MAGI2: variants seen among roughly 807,000 people sequenced by gnomAD.
The protein encoded by MAGI2 is membrane associated guanylate kinase, WW and PDZ domain containing 2, also known as membrane-associated guanylate kinase, WW and PDZ domain-containing protein 2.
Under a neutral mutation model 133.3 loss-of-function variants are expected in MAGI2, and 35 were observed. The observed-to-expected ratio is 0.26, with a 90% confidence interval of 0.20 to 0.35. The LOEUF is 0.35. Among genes scored for constraint, MAGI2 ranks in the 10% least tolerant of loss-of-function variants. The pLI is 1.00. For synonymous variants in MAGI2, 729 were observed against 710.6 expected, an observed-to-expected ratio of 1.03 and a Z score of -0.41; for missense variants, 1,636 against 1,863.4, an observed-to-expected ratio of 0.88 and a Z score of 2.25.
chr7:78,579,358 C>T (rs1281287096), intron 3 of MAGI2, among the ~76,000 whole-genome samples: 4 of 152,096 alleles, frequency 2.6e-5, no homozygotes, highest in Non-Finnish European at 5.9e-5. Flanking sequence ...GATATACCTC[C>T]CCAAAATATG....
rs953932981 is a variant in MAGI2, at chr7:78,667,611, A to G, written c.419-40372T>C. ...TGTGTCCATGTGTTCTCATTGTTCA[A>G]TTCCCACCTATGAGTGAGAACATGC... is the stretch of plus-strand genomic sequence containing the variant. On this transcript the variant is annotated intron_variant, in intron 2 of 21. Transcript: ENST00000354212. Among the ~76,000 whole-genome samples the G allele has an allele frequency of 7.4e-5, 11 of 149,032 alleles. 1 individual carries two copies. Among genetic ancestry groups the G allele is most frequent in the Non-Finnish European group, 1.5e-4 (10 of 67,602 alleles).
chr7:78,414,346 T>C (rs558190842), intron 6 of MAGI2, among the ~76,000 whole-genome samples: 58 of 152,092 alleles, frequency 3.8e-4, no homozygotes, highest in African/African-American at 1.4e-3. Flanking sequence ...ATATCCAGAA[T>C]TGACTAATTT....
intron 1 of MAGI2, among the ~76,000 whole-genome samples, chr7:79,240,702 A>G (rs1832328626): frequency 6.6e-6 from 1 of 152,198 alleles, no homozygotes; most frequent in Admixed American, 6.5e-5. Flanking sequence ...TGTATTGAGC[A>G]GCTTTGCATA....
At chr7:78,074,885 G>C (rs1815108194) in intron 21 of MAGI2, among the ~76,000 whole-genome samples, 1 of 152,136 alleles carries the variant, frequency 6.6e-6, no homozygotes, top group African/African-American at 2.4e-5. Context: ...CTTGCTTCTG[G>C]CGCAGAAAAG....
chr7:79,314,683 G>A (rs1321402757), intron 1 of MAGI2, among the ~76,000 whole-genome samples: 2 of 152,242 alleles, frequency 1.3e-5, no homozygotes, highest in East Asian at 3.9e-4. Context: ...ATAGTTCTAA[G>A]TCAACCAACA....
intron 3 of MAGI2, among the ~76,000 whole-genome samples, chr7:78,540,768 G>A (rs1415633912): frequency 6.6e-6 from 1 of 152,140 alleles, no homozygotes; most frequent in Non-Finnish European, 1.5e-5. Flanking sequence ...GGCCGGGAGT[G>A]CCTACAGGAC....
At chr7:78,292,801 T>G (rs2151046183) in intron 9 of MAGI2, among the ~76,000 whole-genome samples, 1 of 152,338 alleles carries the variant, frequency 6.6e-6, no homozygotes, top group South Asian at 2.1e-4. Flanking sequence ...CCATCTGATC[T>G]TTGACAAACC....
chr7:79,180,751 G>C (rs969154605), intron 1 of MAGI2, among the ~76,000 whole-genome samples: 1 of 151,964 alleles, frequency 6.6e-6, no homozygotes, highest in Non-Finnish European at 1.5e-5. Context: ...AGTCTTATCT[G>C]AGAAAAGGCA....
intron 2 of MAGI2, among the ~76,000 whole-genome samples, chr7:78,935,270 T>C (rs1212605926): frequency 6.6e-6 from 1 of 152,200 alleles, no homozygotes; most frequent in Admixed American, 6.5e-5. Context: ...GAAGTTTTTC[T>C]AATGTACAAA....
At chr7:78,443,107 C>CTCTT (rs55808195) in intron 6 of MAGI2, among the ~76,000 whole-genome samples, 143,993 of 151,990 alleles carry the variant, frequency 0.95, 68,369 homozygotes, top group East Asian at 0.99. Flanking sequence ...TTGACAAATA[C>CTCTT]TCTATCTAGA....
At chr7:78,217,680 A>C (rs1245334706) in intron 10 of MAGI2, among the ~76,000 whole-genome samples, 2 of 152,214 alleles carry the variant, frequency 1.3e-5, no homozygotes, top group East Asian at 3.8e-4. Flanking sequence ...CTCCAGGTCT[A>C]GAGTTCTTTT....
At chr7:78,503,734 C>A (rs1794851115) in intron 4 of MAGI2, among the ~76,000 whole-genome samples, 1 of 149,034 alleles carries the variant, frequency 6.7e-6, no homozygotes, top group Non-Finnish European at 1.5e-5. Context: ...CCACCCTCCT[C>A]ATCATCTCAG....
intron 2 of MAGI2, among the ~76,000 whole-genome samples, chr7:78,966,026 AGTTTCCCCAGAT>A (rs1335509337): frequency 6.6e-6 from 1 of 152,064 alleles, no homozygotes; most frequent in Non-Finnish European, 1.5e-5. Flanking sequence ...AATAGAGTAT[AGTTTCCCCAGAT>A]GTTGGTGGCA....
At chr7:78,355,806 T>C (rs1792018015) in intron 7 of MAGI2, among the ~76,000 whole-genome samples, 1 of 152,226 alleles carries the variant, frequency 6.6e-6, no homozygotes, top group Admixed American at 6.5e-5. Flanking sequence ...AAAAACATTG[T>C]GAACTACCTG....
rs948367183 is a variant in MAGI2, at chr7:78,718,816, C to G, written c.419-91577G>C. Among the ~76,000 whole-genome samples, 5 of 152,140 alleles carry G rather than the reference C, an allele frequency of 3.3e-5. No individual in the cohort carries two copies. The East Asian group carries it at 9.6e-4, about 29-fold the overall frequency. On this transcript the variant is annotated intron_variant, in intron 2 of 21. Coordinates refer to ENST00000354212, the MANE Select transcript of MAGI2 (RefSeq NM_012301.4). ...CGTGGAAAAATTGTCTTCCATGAAACCAGTCCCTGGTGCCCAAAAGGTTAG... is the reference window on the plus strand; with the variant it reads ...CGTGGAAAAATTGTCTTCCATGAAAGCAGTCCCTGGTGCCCAAAAGGTTAG...
intron 21 of MAGI2, among the ~76,000 whole-genome samples, chr7:78,025,439 A>G (rs955254168): frequency 1.3e-5 from 2 of 152,232 alleles, no homozygotes; most frequent in South Asian, 2.1e-4. Context: ...CATAAGGGCA[A>G]TGACCACATT....
At chr7:79,147,360 T>C (rs1822745103) in intron 1 of MAGI2, among the ~76,000 whole-genome samples, 1 of 152,212 alleles carries the variant, frequency 6.6e-6, no homozygotes, top group South Asian at 2.1e-4. Context: ...AAGCTTGCTT[T>C]ACTCTTTCTT....
chr7:78,482,033 T>C (rs56040565), intron 6 of MAGI2, among the ~76,000 whole-genome samples: 21,094 of 151,918 alleles, frequency 0.14, 1,663 homozygotes, highest in South Asian at 0.26. Flanking sequence ...TAAAGGAACA[T>C]GTATACATAA....
At chr7:78,912,560 C>A (rs552453848) in intron 2 of MAGI2, among the ~76,000 whole-genome samples, 107 of 151,946 alleles carry the variant, frequency 7.0e-4, no homozygotes, top group African/African-American at 2.5e-3. Context: ...AGCCTTCCAG[C>A]CTACATCTTT....
Sources: allele counts gnomAD v4.1 joint callset (sites outside exome capture counted in the v4.1 genomes callset), GRCh38; gene constraint gnomAD v4.1.1; transcripts MANE v1.5; gene names NCBI Gene and HGNC (gene_info 2026-07-23, HGNC 2026-07-21).